Variants in ARHGAP24 observed in about 807,000 individuals in gnomAD.
ARHGAP24 encodes rho GTPase-activating protein 24.
ARHGAP24 carries 50 observed loss-of-function variants against 76.4 expected under a neutral mutation model. The ratio of observed to expected loss-of-function variants is 0.65; its 90% confidence interval spans 0.52 to 0.83. The LOEUF (loss-of-function observed/expected upper bound fraction) is 0.83, where lower values mean the gene tolerates loss of function less well. Ranked by LOEUF, ARHGAP24 falls within the 40% of genes least tolerant of loss-of-function variation. The pLI is 0.00. For missense variants in ARHGAP24, 930 were observed against 914.2 expected (o/e 1.02, Z -0.22); for synonymous variants, 345 against 323.3 (o/e 1.07, Z -0.72).
intron 2 of ARHGAP24, among the ~76,000 whole-genome samples, chr4:85,643,234 G>GTTTTTTTTT (rs70948741): frequency 3.1e-4 from 17 of 54,622 alleles, no homozygotes; most frequent in Non-Finnish European, 3.6e-4. Context: ...GTTTTTTTGT[G>GTTTTTTTTT]TTTTTTTTTT....
rs140944704 is a variant in ARHGAP24 at position 85,983,179 on chromosome 4, T to C, written c.928+5488T>C. ...TTTTCTTTATCCAGTCTATCATTGA[T>C]GGACATTTGGGTTGATTTCATGTCT... On this transcript the variant is annotated intron_variant, in intron 8 of 9. Transcript: ENST00000395184. Among the ~76,000 whole-genome samples the C allele has an allele frequency of 6.5e-3, 993 of 152,366 alleles. 17 individuals are homozygous for C. The East Asian group carries it at 0.066, about 10-fold the overall frequency.
chr4:85,911,101 C>T (rs1735051742), intron 3 of ARHGAP24, among the ~76,000 whole-genome samples: 1 of 152,224 alleles, frequency 6.6e-6, no homozygotes. Flanking sequence ...GAGTCTGCAG[C>T]TGCAGTTTGG....
chr4:85,602,567 C>T (rs1462382590), intron 2 of ARHGAP24, among the ~76,000 whole-genome samples: 1 of 152,096 alleles, frequency 6.6e-6, no homozygotes, highest in African/African-American at 2.4e-5. Context: ...ATTGCAATAC[C>T]ACCTTTTAAA....
At chr4:85,865,356 C>A (rs345348) in intron 3 of ARHGAP24, among the ~76,000 whole-genome samples, 1 of 150,680 alleles carries the variant, frequency 6.6e-6, no homozygotes, top group Non-Finnish European at 1.5e-5. Context: ...TTTCAGTTCT[C>A]AGTTTAAAAC....
intron 3 of ARHGAP24, among the ~76,000 whole-genome samples, chr4:85,903,595 T>G (rs1265062925): frequency 6.6e-6 from 1 of 152,064 alleles, no homozygotes; most frequent in East Asian, 1.9e-4. Context: ...CTGTTTCAGT[T>G]TAAAGCATTC....
At chr4:85,992,812 C>T (rs1008627163) in intron 8 of ARHGAP24, among the ~76,000 whole-genome samples, 2 of 150,256 alleles carry the variant, frequency 1.3e-5, no homozygotes, top group Non-Finnish European at 3.0e-5. Context: ...ATTACATTGT[C>T]TTTTTTCACA....
At chr4:85,870,040 C>T (rs148396587) in intron 3 of ARHGAP24, among the ~76,000 whole-genome samples, 30 of 152,180 alleles carry the variant, frequency 2.0e-4, no homozygotes, top group African/African-American at 6.7e-4. Flanking sequence ...ATAGTAGCTA[C>T]CTAAGATATT....
chr4:85,581,311 A>G (rs775160575), intron 2 of ARHGAP24, among the ~76,000 whole-genome samples: 3 of 152,290 alleles, frequency 2.0e-5, no homozygotes, highest in Non-Finnish European at 4.4e-5. Flanking sequence ...AATAGAATCA[A>G]TTCTATTTAT....
At chr4:85,732,500 G>C (rs763852374) in intron 3 of ARHGAP24, among the ~76,000 whole-genome samples, 24 of 151,942 alleles carry the variant, frequency 1.6e-4, no homozygotes, top group Non-Finnish European at 2.4e-4. Context: ...GAGATGAAGT[G>C]GTCCTGAATG....
At chr4:85,509,452 A>T (rs1226179039) in intron 1 of ARHGAP24, among the ~76,000 whole-genome samples, 8 of 151,598 alleles carry the variant, frequency 5.3e-5, no homozygotes, top group African/African-American at 1.2e-4. Flanking sequence ...GCTAGATTAT[A>T]AAAAAAAGTT....
chr4:85,747,622 G>A (rs1726097804), intron 3 of ARHGAP24, among the ~76,000 whole-genome samples: 1 of 152,172 alleles, frequency 6.6e-6, no homozygotes, highest in Admixed American at 6.5e-5. Flanking sequence ...AGAATGGCGT[G>A]AACCCGGGAA....
intron 2 of ARHGAP24, among the ~76,000 whole-genome samples, chr4:85,667,043 A>G (rs1304212433): frequency 6.6e-6 from 1 of 152,164 alleles, no homozygotes; most frequent in African/African-American, 2.4e-5. Context: ...AGACAGGGAC[A>G]TTTAAGTCTG....
At chr4:85,664,645 C>T (rs1001556588) in intron 2 of ARHGAP24, among the ~76,000 whole-genome samples, 1 of 150,448 alleles carries the variant, frequency 6.6e-6, no homozygotes, top group African/African-American at 2.5e-5. Context: ...CTCTTGTGGG[C>T]ATTTAGTGCT....
At position 85,984,907 on chromosome 4, in the gene ARHGAP24, C is replaced by T. The variant is rs1238649751; in HGVS notation, c.928+7216C>T. ...GTGCAATCTCGGACACAGCAACCTC[C>T]ACCTCCCAGGTTCAAGTGGTTCTCC... On this transcript the variant is annotated intron_variant, in intron 8 of 9. Transcript: ENST00000395184. 3.9e-5 allele frequency among the ~76,000 whole-genome samples: 6 copies of T among 152,232 alleles called. No individual in the cohort carries two copies. The East Asian group carries it at 1.2e-3, about 29-fold the overall frequency.
intron 3 of ARHGAP24, among the ~76,000 whole-genome samples, chr4:85,769,948 T>G (rs897210649): frequency 6.6e-6 from 1 of 152,176 alleles, no homozygotes; most frequent in Non-Finnish European, 1.5e-5. Context: ...ACTTTAAATT[T>G]TACATGATAT....
intron 1 of ARHGAP24, among the ~76,000 whole-genome samples, chr4:85,516,078 C>T (rs746758364): frequency 2.0e-5 from 3 of 152,172 alleles, no homozygotes; most frequent in Non-Finnish European, 4.4e-5. Flanking sequence ...ACATTCTTCC[C>T]AGGTCTGCTG....
chr4:85,991,050 C>T (rs1283481198), intron 8 of ARHGAP24: 1 of 151,882 alleles, frequency 6.6e-6, no homozygotes, highest in Non-Finnish European at 1.5e-5. Flanking sequence ...TCATGCAAAA[C>T]AAGGCAGTCA....
At chr4:85,596,871 A>C (rs1291718199) in intron 2 of ARHGAP24, among the ~76,000 whole-genome samples, 1 of 152,090 alleles carries the variant, frequency 6.6e-6, no homozygotes, top group Non-Finnish European at 1.5e-5. Flanking sequence ...GTTATTCAAA[A>C]TGTCCATATT....
At chr4:85,884,127 C>T (rs1216836023) in intron 3 of ARHGAP24, among the ~76,000 whole-genome samples, 1 of 152,158 alleles carries the variant, frequency 6.6e-6, no homozygotes, top group Non-Finnish European at 1.5e-5. Flanking sequence ...TTGCCCATTT[C>T]ATTAAATTAA....
Sources: gnomAD v4.1 joint callset for allele counts (sites outside exome capture counted in the v4.1 genomes callset) on GRCh38, gnomAD v4.1.1 for gene constraint, MANE v1.5 for transcripts, NCBI Gene and HGNC (gene_info 2026-07-23, HGNC 2026-07-21) for gene names.